The following SLC12A1 variants were observed in gnomAD, a reference collection of about 807,000 sequenced individuals.
The protein encoded by SLC12A1 is Na-K-2Cl cotransporter.
SLC12A1 carries 89 observed loss-of-function variants against 130.4 expected under a neutral mutation model. The observed-to-expected ratio is 0.68, with a 90% CI of 0.58 to 0.81. The LOEUF (loss-of-function observed/expected upper bound fraction) is 0.81, where lower values mean the gene tolerates loss of function less well. Ranked by LOEUF, SLC12A1 falls within the 40% of genes least tolerant of loss-of-function variation. SLC12A1 has a pLI of 0.00. For missense variants in SLC12A1, 1,310 were observed against 1,336.4 expected, an observed-to-expected ratio of 0.98 and a Z score of 0.31; for synonymous variants, 499 against 460.0, an observed-to-expected ratio of 1.08 and a Z score of -1.09.
chr15:48,248,727 C>T (rs2041611777), intron 13 of SLC12A1, among the ~76,000 whole-genome samples: 1 of 152,198 alleles, frequency 6.6e-6, no homozygotes, highest in East Asian at 1.9e-4. Flanking sequence ...TTAAATCATA[C>T]CAGATATTTA....
At chr15:48,267,467 T>G in intron 17 of SLC12A1, 94 bp from the exon 18 acceptor site, 2 of 1,351,426 alleles carry the variant, frequency 1.5e-6, no homozygotes, top group Non-Finnish European at 2.1e-6. Flanking sequence ...CTTAACTCAA[T>G]GGGGCATTGC....
chr15:48,253,933 C>T (rs2041675272), intron 15 of SLC12A1, among the ~76,000 whole-genome samples: 1 of 152,140 alleles, frequency 6.6e-6, no homozygotes, highest in South Asian at 2.1e-4. Context: ...ATCTTATTTG[C>T]CATCCATATA....
At chr15:48,278,709 G>A (rs2041981239) in intron 20 of SLC12A1, among the ~76,000 whole-genome samples, 2 of 152,230 alleles carry the variant, frequency 1.3e-5, no homozygotes, top group African/African-American at 2.4e-5. Flanking sequence ...GTGCTGTAAT[G>A]TTTTCCATCT....
At chr15:48,288,627 C>G in intron 23 of SLC12A1, 111 bp downstream of exon 23, 1 of 613,728 alleles carries the variant, frequency 1.6e-6, no homozygotes, top group Non-Finnish European at 2.9e-6. Context: ...AAAGACAAAG[C>G]CACCAGGATA....
At chr15:48,284,659 A>G (rs2042038989) in intron 20 of SLC12A1, among the ~76,000 whole-genome samples, 1 of 152,148 alleles carries the variant, frequency 6.6e-6, no homozygotes, top group African/African-American at 2.4e-5. Flanking sequence ...TTTCTTTTGG[A>G]GACACGATCT....
chr15:48,250,674 C>CACACACACACACACGCACA (rs1555383559), intron 14 of SLC12A1, among the ~76,000 whole-genome samples: 1 of 56,128 alleles, frequency 1.8e-5, no homozygotes, highest in Admixed American at 1.6e-4. Context: ...AAAATGTCTG[C>CACACACACACACACGCACA]CTCACACACA....
chr15:48,272,969 G>A (rs867789573), intron 19 of SLC12A1, among the ~76,000 whole-genome samples: 5 of 151,952 alleles, frequency 3.3e-5, no homozygotes, highest in African/African-American at 4.8e-5. Flanking sequence ...TTAGCCTGGC[G>A]TGGTGGTGCA....
intron 5 of SLC12A1, chr15:48,226,802 T>C (rs1416847517): frequency 8.4e-6 from 5 of 596,610 alleles, no homozygotes; most frequent in Non-Finnish European, 1.2e-5. Context: ...GCCTTACAGA[T>C]GTGCACCTTC....
Position 48,274,594 on chromosome 15 carries a change from G to A in SLC12A1, c.2426G>A (p.Gly809Asp). The A allele has an allele frequency of 1.2e-5, 19 of 1,612,956 alleles. No homozygotes were observed. Among genetic ancestry groups the A allele is most frequent in the Non-Finnish European group, 1.6e-5 (19 of 1,179,394 alleles). ...IIHDAFDFEIGVVIVRISQGF... is the reference protein window; with the variant it reads ...IIHDAFDFEIDVVIVRISQGF... ...AGTGATGCATTTGATTTTGAGATTG[G>A]CGTGGTTATAGTCAGAATCAGCCAA... The change falls in exon 20 of 27, where the codon GGC becomes GAC. Residue 809 changes from glycine (G) to aspartate (D), a missense_variant. Coordinates refer to ENST00000380993, the MANE Select transcript of SLC12A1 (RefSeq NM_000338.3).
chr15:48,269,833 T>C (rs1288416113), intron 19 of SLC12A1, 69 bp downstream of exon 19: 7 of 785,150 alleles, frequency 8.9e-6, no homozygotes, highest in Non-Finnish European at 1.5e-5. Context: ...TAACTTGTAC[T>C]GCACATAACA....
intron 24 of SLC12A1, among the ~76,000 whole-genome samples, chr15:48,298,762 A>C (rs1233892123): frequency 6.6e-6 from 1 of 152,214 alleles, no homozygotes; most frequent in Non-Finnish European, 1.5e-5. Context: ...GTGGAAACTC[A>C]TTTGTGTGGT....
intron 20 of SLC12A1, among the ~76,000 whole-genome samples, chr15:48,276,872 G>A (rs2041959323): frequency 6.6e-6 from 1 of 152,202 alleles, no homozygotes; most frequent in African/African-American, 2.4e-5. Flanking sequence ...AACCATGGGA[G>A]TACAGTGCTC....
At chr15:48,216,103 C>CTAGCAGGTTGAACATATTATTA (rs2041117817) in intron 2 of SLC12A1, among the ~76,000 whole-genome samples, 1 of 152,052 alleles carries the variant, frequency 6.6e-6, no homozygotes, top group Non-Finnish European at 1.5e-5. Context: ...CTTTGAAATT[C>CTAGCAGGTTGAACATATTATTA]TAGCAGGTTG....
At chr15:48,299,790 C>A (rs10152424) in intron 25 of SLC12A1, among the ~76,000 whole-genome samples, 48,617 of 152,064 alleles carry the variant, frequency 0.32, 9,999 homozygotes, top group African/African-American at 0.57. Flanking sequence ...CCTTTCTAGA[C>A]AGCCCAGTAA....
intron 9 of SLC12A1, among the ~76,000 whole-genome samples, chr15:48,240,527 T>C (rs376265295): frequency 4.6e-5 from 7 of 152,322 alleles, no homozygotes; most frequent in African/African-American, 1.7e-4. Context: ...AGTCTACATT[T>C]TCACTATGCA....
chr15:48,256,586 G>A (rs1390668816), intron 16 of SLC12A1, among the ~76,000 whole-genome samples: 2 of 152,172 alleles, frequency 1.3e-5, no homozygotes, highest in Non-Finnish European at 2.9e-5. Flanking sequence ...GAGGAGCAAA[G>A]GCATGTCTTA....
At chr15:48,209,863 CT>C (rs2041031322) in intron 2 of SLC12A1, among the ~76,000 whole-genome samples, 1 of 152,176 alleles carries the variant, frequency 6.6e-6, no homozygotes, top group South Asian at 2.1e-4. Flanking sequence ...CCCACCAAAA[CT>C]TGCTAGTCCT....
At chr15:48,206,888 AAAAC>A (rs1165668944) in intron 1 of SLC12A1, among the ~76,000 whole-genome samples, 3 of 152,134 alleles carry the variant, frequency 2.0e-5, no homozygotes, top group Non-Finnish European at 4.4e-5. Flanking sequence ...TAGTATTTGC[AAAAC>A]AAACAAATGT....
Position 48,227,040 on chromosome 15 carries a change from A to G in SLC12A1, c.724+469A>G, listed in dbSNP as rs1343644926. The stretch of plus-strand genomic sequence containing the variant: ...TCCTGAAGTACTGGTGACTTCTCTC[A>G]GTACTGGAACCAAACACCTTTCTTG... On this transcript the variant is annotated intron_variant, in intron 5 of 26. Coordinates refer to ENST00000380993, the MANE Select transcript of SLC12A1 (RefSeq NM_000338.3). The G allele has an allele frequency of 2.2e-6, 3 of 1,387,160 alleles. No individual in the cohort carries two copies. The East Asian group carries it at 7.5e-5, about 35-fold the overall frequency. The allele number at this position is 1,387,160 out of a possible 1,614,324, so 85.9% of individuals were successfully genotyped here.
Sources: gnomAD v4.1 joint callset for allele counts (sites outside exome capture counted in the v4.1 genomes callset) on GRCh38, gnomAD v4.1.1 for gene constraint, MANE v1.5 for transcripts, NCBI Gene and HGNC (gene_info 2026-07-23, HGNC 2026-07-21) for gene names.